The following TEX9 variants were observed in gnomAD, a reference collection of about 807,000 sequenced individuals.
TEX9 encodes testis expressed 9.
Under a neutral mutation model 59.6 loss-of-function variants are expected in TEX9, and 74 were observed. The ratio of observed to expected loss-of-function variants is 1.24; its 90% CI spans 1.03 to 1.51. The LOEUF (loss-of-function observed/expected upper bound fraction) is 1.51, where lower values mean the gene tolerates loss of function less well. TEX9 is among the 40% of genes most tolerant of loss of function. TEX9 has a pLI of 0.00. For missense variants in TEX9, 522 were observed against 447.8 expected (o/e 1.17, Z -1.49); for synonymous variants, 186 against 152.2 (o/e 1.22, Z -1.64).
At chr15:56,254,787 AT>A (rs1399048692) in intron 1 of TEX9, among the ~76,000 whole-genome samples, 1 of 150,654 alleles carries the variant, frequency 6.6e-6, no homozygotes, top group African/African-American at 2.4e-5. Context: ...TGTATATAAA[AT>A]ATATACTTAT....
Position 56,292,886 on chromosome 15 carries a change from C to T in TEX9, c.-107+48608C>T, listed in dbSNP as rs1482768501. Among the ~76,000 whole-genome samples, 5 of 152,298 alleles carry T rather than the reference C, an allele frequency of 3.3e-5. No homozygotes were observed. In the East Asian group the frequency reaches 7.7e-4, roughly 23 times the overall value. ...GTGGGATCAGGCTATGGCTAGATCT[C>T]AACTTTTCACACTCATTTTTGTGCT... On this transcript the variant is annotated intron_variant, in intron 1 of 5. Transcript: ENST00000560827.
intron 1 of TEX9, among the ~76,000 whole-genome samples, chr15:56,334,003 G>C (rs1413367528): frequency 6.6e-6 from 1 of 152,000 alleles, no homozygotes; most frequent in African/African-American, 2.4e-5. Flanking sequence ...ACTGATACAA[G>C]AAATTGAAGA....
chr15:56,310,924 C>T (rs1361198240), intron 1 of TEX9, among the ~76,000 whole-genome samples: 2 of 152,096 alleles, frequency 1.3e-5, no homozygotes, highest in East Asian at 1.9e-4. Flanking sequence ...ACTCTCCTTC[C>T]GATTGCAGAG....
chr15:56,456,298 G>T, the TEX9 span: 606 of 1,128,432 alleles, frequency 5.4e-4, 3 homozygotes, highest in African/African-American at 8.9e-3. Flanking sequence ...TAAGTGAAAT[G>T]ACATAAACAA....
chr15:56,455,349 T>G, the TEX9 span, among the ~76,000 whole-genome samples: 4 of 151,766 alleles, frequency 2.6e-5, no homozygotes, highest in African/African-American at 9.7e-5. Flanking sequence ...AAGCAGATTT[T>G]AACAGTAATT....
intron 1 of TEX9, among the ~76,000 whole-genome samples, chr15:56,351,476 A>T (rs1417633626): frequency 6.6e-6 from 1 of 152,206 alleles, no homozygotes; most frequent in East Asian, 1.9e-4. Flanking sequence ...ATATAAAAAA[A>T]GTTATGTCAC....
chr15:56,410,722 A>C (rs1212470265), intron 9 of TEX9, among the ~76,000 whole-genome samples: 1 of 152,204 alleles, frequency 6.6e-6, no homozygotes, highest in Non-Finnish European at 1.5e-5. Context: ...TTTTCCTGTG[A>C]AATAGGTTAC....
At chr15:56,254,318 G>T (rs1596044258) in intron 1 of TEX9, among the ~76,000 whole-genome samples, 1 of 151,966 alleles carries the variant, frequency 6.6e-6, no homozygotes, top group African/African-American at 2.4e-5. Context: ...GAGAGAACAG[G>T]TTCTATGAAT....
upstream of TEX9, chr15:56,365,407 GA>G: frequency 6.3e-7 from 1 of 1,597,094 alleles, no homozygotes; most frequent in Non-Finnish European, 8.5e-7. Context: ...ACTCTCGCGG[GA>G]AGATGCGTCG....
At chr15:56,360,534 T>C (rs144099391), upstream of TEX9, among the ~76,000 whole-genome samples, 3 of 152,354 alleles carry the variant, frequency 2.0e-5, no homozygotes, top group East Asian at 5.8e-4. Context: ...TTAATTTTCA[T>C]GGGACAATTG....
chr15:56,412,563 A>T, intron 10 of TEX9, 127 bp downstream of exon 10: 1 of 1,076,034 alleles, frequency 9.3e-7, no homozygotes, highest in Non-Finnish European at 1.3e-6. Context: ...TTTCAGAAGA[A>T]ATATATTCAT....
chr15:56,345,766 G>T (rs1412958180), intron 1 of TEX9, among the ~76,000 whole-genome samples: 1 of 152,190 alleles, frequency 6.6e-6, no homozygotes, highest in African/African-American at 2.4e-5. Flanking sequence ...GTCATGAAAG[G>T]CCCAAGCACA....
chr15:56,374,427 T>C (rs2047332103), intron 3 of TEX9: 1 of 152,172 alleles, frequency 6.6e-6, no homozygotes, highest in Non-Finnish European at 1.5e-5. Context: ...TGTGGTTACA[T>C]AGTAAGTGTT....
chr15:56,280,805 G>A (rs1004836072), intron 1 of TEX9, among the ~76,000 whole-genome samples: 2 of 152,200 alleles, frequency 1.3e-5, no homozygotes, highest in East Asian at 3.8e-4. Flanking sequence ...TTATGCCTAA[G>A]ACTGAGTATT....
chr15:56,277,247 C>T (rs1596060812), intron 1 of TEX9, among the ~76,000 whole-genome samples: 1 of 152,148 alleles, frequency 6.6e-6, no homozygotes, highest in South Asian at 2.1e-4. Context: ...AAGTCTTTGT[C>T]CGTGCCTATG....
At position 56,244,629 on chromosome 15, in the gene TEX9, C is replaced by T. The variant is rs1474851776; in HGVS notation, c.-107+351C>T. Among the ~76,000 whole-genome samples, 15 of 146,832 alleles carry T rather than the reference C, an allele frequency of 1.0e-4. No individual in the cohort carries two copies. The South Asian group carries it at 2.3e-3, about 23-fold the overall frequency. On this transcript the variant is annotated intron_variant, in intron 1 of 5. Coordinates refer to the TEX9 transcript ENST00000560827. Reference sequence around the variant, plus strand: ...AATGCCCTCCCTCCTTTATACCGCTCCCAATTCCACCCAGGCTCTAAAGCA... The same window carrying T: ...AATGCCCTCCCTCCTTTATACCGCTTCCAATTCCACCCAGGCTCTAAAGCA...
Position 56,379,212 on chromosome 15 carries a change from GC to G in TEX9, c.184-4739del, listed in dbSNP as rs1173199750. 3.3e-5 allele frequency among the ~76,000 whole-genome samples: 5 copies of G among 152,096 alleles called. No homozygotes were observed. In the East Asian group the frequency reaches 9.6e-4, roughly 29 times the overall value. The stretch of plus-strand genomic sequence containing the variant: ...CTGCATAAATTTCCCTCTCAGTACT[GC>G]TTTCACTGTATCCCATAGATCTTGG... On this transcript the variant is annotated intron_variant, in intron 3 of 12. Coordinates refer to ENST00000352903, the Ensembl canonical transcript of TEX9.
chr15:56,380,207 T>A (rs2047661838), intron 3 of TEX9, among the ~76,000 whole-genome samples: 1 of 152,190 alleles, frequency 6.6e-6, no homozygotes, highest in Non-Finnish European at 1.5e-5. Flanking sequence ...GAGGTTACTG[T>A]GAGGCTTGCA....
intron 12 of TEX9, among the ~76,000 whole-genome samples, chr15:56,440,785 G>A (rs1165789334): frequency 6.6e-6 from 1 of 152,026 alleles, no homozygotes; most frequent in Non-Finnish European, 1.5e-5. Flanking sequence ...TATAATTAAA[G>A]GTTTATCCAT....
Sources: gnomAD v4.1 joint callset for allele counts (sites outside exome capture counted in the v4.1 genomes callset) on GRCh38, gnomAD v4.1.1 for gene constraint, MANE v1.5 for transcripts, NCBI Gene and HGNC (gene_info 2026-07-23, HGNC 2026-07-21) for gene names.